BICC1: variants seen among roughly 807,000 people sequenced by gnomAD.
The protein encoded by BICC1 is BicC family RNA binding protein 1.
A neutral mutation model predicts 111.0 loss-of-function variants in BICC1; 43 were observed. The observed-to-expected ratio is 0.39, with a 90% confidence interval of 0.30 to 0.50. BICC1 has a LOEUF of 0.50. BICC1 is among the 20% of genes least tolerant of loss of function. The pLI is 0.88. For missense variants in BICC1, 1,091 were observed against 1,203.2 expected (o/e 0.91, Z 1.38); for synonymous variants, 467 against 434.4 (o/e 1.07, Z -0.93).
At chr10:58,649,866 G>A (rs1385329479) in intron 2 of BICC1, among the ~76,000 whole-genome samples, 1 of 151,960 alleles carries the variant, frequency 6.6e-6, no homozygotes, top group Non-Finnish European at 1.5e-5. Context: ...GGATTCAGGG[G>A]GTCTGGCTTC....
At chr10:58,759,968 G>GA (rs56286810) in intron 3 of BICC1, among the ~76,000 whole-genome samples, 44 of 132,712 alleles carry the variant, frequency 3.3e-4, no homozygotes, top group African/African-American at 5.7e-4. Context: ...AAAAGAAAAA[G>GA]AAAAAAAAAA....
chr10:58,531,603 T>C (rs918697621), intron 1 of BICC1, among the ~76,000 whole-genome samples: 33 of 151,876 alleles, frequency 2.2e-4, no homozygotes, highest in Non-Finnish European at 4.7e-4. Flanking sequence ...TGGAGATCTG[T>C]GAATTACCTG....
rs779360814 is a variant in BICC1 at position 58,571,138 on chromosome 10, G to A, written c.191-49717G>A. ...TTTTCTTATTTTTGTTTCATAGACC[G>A]CAAGATTTTAGAAAGGCATGCTGAC... On this transcript the variant is annotated intron_variant, in intron 1 of 20. Coordinates refer to ENST00000373886, the MANE Select transcript of BICC1 (RefSeq NM_001080512.3). Among the ~76,000 whole-genome samples the A allele has an allele frequency of 1.2e-3, 184 of 152,124 alleles. 1 individual carries two copies. The highest frequency in any genetic ancestry group is 1.4e-3 in the East Asian group (7 of 5,168).
At position 58,583,176 on chromosome 10, in the gene BICC1, A is replaced by G. The variant is rs569243091; in HGVS notation, c.191-37679A>G. 1.1e-3 allele frequency among the ~76,000 whole-genome samples: 166 copies of G among 152,230 alleles called. 1 individual carries two copies. Among genetic ancestry groups the G allele is most frequent in the Middle Eastern group, 3.4e-3 (1 of 294 alleles). ...TATCTTTGTCTTCCTCGCTTTCTAG[A>G]TATAATCTATCATGAACTTTTATGG... On this transcript the variant is annotated intron_variant, in intron 1 of 20. Transcript: ENST00000373886.
chr10:58,787,085 G>A lies in BICC1; in HGVS notation c.546+4G>A. 1.9e-6 allele frequency: 3 copies of A among 1,566,678 alleles called. No individual in the cohort carries two copies. In the South Asian group the frequency reaches 3.6e-5, roughly 19 times the overall value. ...CCAAGCAGAAAAAAGCAACCAGGTG[G>A]TTTGTCTTTTCACATGAACTTTTAT... On this transcript the variant is annotated splice_donor_region_variant and intron_variant, in intron 5 of 20. Coordinates refer to ENST00000373886, the MANE Select transcript of BICC1 (RefSeq NM_001080512.3).
intron 2 of BICC1, among the ~76,000 whole-genome samples, chr10:58,621,503 A>T (rs1011192613): frequency 9.0e-5 from 12 of 133,042 alleles, no homozygotes; most frequent in African/African-American, 3.0e-4. Context: ...AGGCTTAGCA[A>T]CAAGGGTAAG....
chr10:58,663,265 C>T (rs1838903181), intron 2 of BICC1, among the ~76,000 whole-genome samples: 1 of 152,012 alleles, frequency 6.6e-6, no homozygotes, highest in Non-Finnish European at 1.5e-5. Context: ...CAGGGTTTCA[C>T]CATGTTGACC....
chr10:58,513,470 C>A, intron 1 of BICC1, 137 bp downstream of exon 1: 1 of 815,430 alleles, frequency 1.2e-6, no homozygotes, highest in Non-Finnish European at 1.8e-6. Context: ...CCCCGCGGAG[C>A]CGGAGGACAC....
intron 3 of BICC1, among the ~76,000 whole-genome samples, chr10:58,704,806 T>TAG (rs747252258): frequency 2.0e-5 from 3 of 152,206 alleles, no homozygotes; most frequent in Non-Finnish European, 4.4e-5. Flanking sequence ...AGTACAGCCA[T>TAG]AGGTTTGTGT....
chr10:58,604,489 T>A (rs1845144993), intron 1 of BICC1, among the ~76,000 whole-genome samples: 1 of 151,926 alleles, frequency 6.6e-6, no homozygotes, highest in Admixed American at 6.6e-5. Flanking sequence ...TCCAACCCCA[T>A]CTCTACTAAA....
intron 3 of BICC1, chr10:58,715,822 A>C: frequency 2.3e-6 from 3 of 1,303,788 alleles, no homozygotes; most frequent in Non-Finnish European, 3.3e-6. Flanking sequence ...TCATCCAAAA[A>C]AAAGACAGAG....
intron 2 of BICC1, among the ~76,000 whole-genome samples, chr10:58,632,657 G>T (rs1837831650): frequency 6.6e-6 from 1 of 152,162 alleles, no homozygotes; most frequent in Non-Finnish European, 1.5e-5. Flanking sequence ...TTCTGAGCAG[G>T]GGGCAGTTTA....
At chr10:58,753,787 A>G (rs1402316222) in intron 3 of BICC1, among the ~76,000 whole-genome samples, 2 of 151,218 alleles carry the variant, frequency 1.3e-5, no homozygotes, top group African/African-American at 4.9e-5. Flanking sequence ...TTTCTCTTAC[A>G]CTTTGTAATA....
rs766445380 is a variant in BICC1 at position 58,621,500 on chromosome 10, G to A, written c.237+599G>A. Among the ~76,000 whole-genome samples the A allele has an allele frequency of 8.0e-5, 11 of 137,818 alleles. No individual in the cohort carries two copies. In the South Asian group the frequency reaches 9.5e-4, roughly 12 times the overall value. The allele number at this position is 137,818 out of a possible 152,430, so 90.4% of individuals were successfully genotyped here. A position where few individuals can be genotyped will look rare whatever the true frequency, so the allele number is the denominator to read the frequency against. On this transcript the variant is annotated intron_variant, in intron 2 of 20. Coordinates refer to ENST00000373886, the MANE Select transcript of BICC1 (RefSeq NM_001080512.3). ...CCTGGCCTTAGCTGGGGCAGGCTTA[G>A]CAACAAGGGTAAGACAAGAGAAGAC...
rs564939773 is a variant in BICC1, at chr10:58,653,662, T to C, written c.237+32761T>C. 1.2e-4 allele frequency among the ~76,000 whole-genome samples: 17 copies of C among 136,832 alleles called. No homozygotes were observed. In the South Asian group the frequency reaches 4.2e-3, roughly 34 times the overall value. The allele number at this position is 136,832 out of a possible 152,430, so 89.8% of individuals were successfully genotyped here. ...TGAACCAGGGCAGTGCACATCCTTT[T>C]ACAAGTATTGTTCTTTCTTTTTTTT... is the stretch of plus-strand genomic sequence containing the variant. On this transcript the variant is annotated intron_variant, in intron 2 of 20. Transcript: ENST00000373886.
At chr10:58,606,851 C>G (rs1845231607) in intron 1 of BICC1, among the ~76,000 whole-genome samples, 1 of 152,060 alleles carries the variant, frequency 6.6e-6, no homozygotes, top group South Asian at 2.1e-4. Context: ...ATTAAAAATA[C>G]ATTTTATAGT....
At chr10:58,688,554 C>G (rs1839816380) in intron 2 of BICC1, among the ~76,000 whole-genome samples, 1 of 152,164 alleles carries the variant, frequency 6.6e-6, no homozygotes, top group Non-Finnish European at 1.5e-5. Flanking sequence ...GATTATAAAT[C>G]ATTTTGCTAT....
chr10:58,744,686 CCTTAT>C (rs67108150), intron 3 of BICC1, among the ~76,000 whole-genome samples: 96,673 of 151,250 alleles, frequency 0.64, 33,594 homozygotes, highest in East Asian at 0.9. Flanking sequence ...ACATCTTTAT[CCTTAT>C]CTTGAGATTT....
chr10:58,677,557 CA>C (rs1839383568), intron 2 of BICC1, among the ~76,000 whole-genome samples: 1 of 151,986 alleles, frequency 6.6e-6, no homozygotes, highest in African/African-American at 2.4e-5. Flanking sequence ...GTGAAAAGAC[CA>C]AACCTACGTT....
Sources: allele counts gnomAD v4.1 joint callset (sites outside exome capture counted in the v4.1 genomes callset), GRCh38; gene constraint gnomAD v4.1.1; transcripts MANE v1.5; gene names NCBI Gene and HGNC (gene_info 2026-07-23, HGNC 2026-07-21).